The following GSN variants were observed in gnomAD, a reference collection of about 807,000 sequenced individuals.
GSN encodes gelsolin.
A neutral mutation model predicts 85.7 loss-of-function variants in GSN; 56 were observed. The observed-to-expected ratio is 0.65, with a 90% CI of 0.53 to 0.82. The LOEUF is 0.82. GSN is among the 40% of genes least tolerant of loss of function. The probability of loss-of-function intolerance (pLI) is 0.00; values close to 1 mark genes in which losing one functional copy is unlikely to be tolerated. For missense variants in GSN, 857 were observed against 979.8 expected (o/e 0.87, Z 1.67); for synonymous variants, 373 against 399.1 (o/e 0.93, Z 0.78).
chr9:121,310,815 T>C lies in GSN; in HGVS notation c.483T>C (p.Asn161=). 2 of 1,614,156 alleles carry C rather than the reference T, an allele frequency of 1.2e-6. No individual in the cohort carries two copies. Among genetic ancestry groups the C allele is most frequent in the Non-Finnish European group, 1.7e-6 (2 of 1,180,024 alleles). Residue 161 remains asparagine, a synonymous_variant, in exon 5 of 18, where the codon AAT becomes AAC. Transcript: ENST00000432226. ...EVPVSWESFN[N]GDCFILDLGN... ...CTGTGTCCTGGGAGAGCTTCAACAA[T>C]GGCGACTGCTTCATCCTGGACCTGG...
At chr9:121,315,174 G>C (rs2061572439) in intron 7 of GSN, among the ~76,000 whole-genome samples, 1 of 152,082 alleles carries the variant, frequency 6.6e-6, no homozygotes, top group Admixed American at 6.5e-5. Context: ...TCTATTTTGT[G>C]TAACTGGATC....
At chr9:121,285,552 A>T in intron 2 of GSN, 1 of 166,058 alleles carries the variant, frequency 6.0e-6, no homozygotes. Context: ...ATTAAAAAAA[A>T]ATTATTAATC....
Position 121,221,367 on chromosome 9 carries a change from T to G in GSN, c.-527-9798T>G, listed in dbSNP as rs2054166641. Among the ~76,000 whole-genome samples, 3 of 152,348 alleles carry G rather than the reference T, an allele frequency of 2.0e-5. No individual in the cohort carries two copies. In the South Asian group the frequency reaches 6.2e-4, roughly 32 times the overall value. On this transcript the variant is annotated intron_variant, in intron 4 of 24. Transcript: ENST00000373823. ...AGTTTATTGAAGGCCTGGTCTTCAT[T>G]AGGTCTTAAGAGCAGCCCCAATTCC...
At position 121,318,881 on chromosome 9, in the gene GSN, G is replaced by T. The variant is rs113048496; in HGVS notation, c.1191+1G>T. On this transcript the variant is annotated splice_donor_variant, in intron 10 of 17. Transcript: ENST00000432226. LOFTEE classifies it high-confidence loss of function. The surrounding 1 kb of genome is among the most constrained non-coding windows in gnomAD (Gnocchi z 4.3). ...TGACGATGGCACAGGCCAGAAACAG[G>T]TACGTTTAGGGCGTGGGGTGGGTGT... is the stretch of plus-strand genomic sequence containing the variant. 13 of 1,611,542 alleles carry T rather than the reference G, an allele frequency of 8.1e-6. No individual in the cohort carries two copies. The highest frequency in any genetic ancestry group is 1.1e-5 in the Non-Finnish European group (13 of 1,178,000).
intron 4 of GSN, among the ~76,000 whole-genome samples, chr9:121,306,974 A>G (rs2060483493): frequency 6.6e-6 from 1 of 152,172 alleles, no homozygotes; most frequent in African/African-American, 2.4e-5. Flanking sequence ...TGAGGTCAGG[A>G]GTTCAAGACC....
chr9:121,282,563 T>C, intron 2 of GSN: 1 of 1,222,724 alleles, frequency 8.2e-7, no homozygotes, highest in Non-Finnish European at 1.0e-6. Flanking sequence ...GAAAGGGCTT[T>C]TTGGTGGTCC....
intron 2 of GSN, among the ~76,000 whole-genome samples, chr9:121,297,582 A>G (rs536701041): frequency 1.3e-5 from 2 of 152,198 alleles, no homozygotes; most frequent in Non-Finnish European, 2.9e-5. Context: ...AACAGGCACC[A>G]TTGTAAAAAG....
chr9:121,289,427 C>T (rs1002293888), intron 2 of GSN, among the ~76,000 whole-genome samples: 1 of 152,226 alleles, frequency 6.6e-6, no homozygotes, highest in Non-Finnish European at 1.5e-5. Flanking sequence ...CCTCCCTCCG[C>T]TCCCCTCCCT....
chr9:121,312,659 T>A, intron 6 of GSN, 171 bp downstream of exon 6: 1 of 598,406 alleles, frequency 1.7e-6, no homozygotes. Flanking sequence ...AGGATCTTAT[T>A]CATTGTTGCC....
chr9:121,286,184 G>A, intron 2 of GSN: 2 of 1,528,940 alleles, frequency 1.3e-6, no homozygotes, highest in Non-Finnish European at 1.8e-6. Context: ...TCTGACCCAT[G>A]GGTGAGTAGC....
At position 121,325,584 on chromosome 9, in the gene GSN, C is replaced by T. The variant is rs530523871; in HGVS notation, c.1417-928C>T. Among the ~76,000 whole-genome samples the T allele has an allele frequency of 2.8e-4, 43 of 152,096 alleles. 1 individual carries two copies. The highest frequency in any genetic ancestry group is 9.6e-4 in the African/African-American group (40 of 41,462). On this transcript the variant is annotated intron_variant, in intron 12 of 17. Transcript: ENST00000432226. ...GGTTTAAAAAGTCACTCTGGCCAGG[C>T]GCTGGAGGGCAGCAGAGCTGGTTTG... is the stretch of plus-strand genomic sequence containing the variant.
At chr9:121,214,386 G>A (rs151190401) in intron 4 of GSN, among the ~76,000 whole-genome samples, 394 of 151,742 alleles carry the variant, frequency 2.6e-3, no homozygotes, top group African/African-American at 9.1e-3. Context: ...TAAAATCTAG[G>A]TTCCATAATC....
At chr9:121,312,578 G>GAA in intron 6 of GSN, 90 bp downstream of exon 6, 198 of 532,320 alleles carry the variant, frequency 3.7e-4, no homozygotes, top group South Asian at 7.2e-4. Flanking sequence ...TGAATTTGAG[G>GAA]AAAAAAAAAA....
At chr9:121,313,440 G>A (rs961761860) in intron 6 of GSN, 1 of 229,884 alleles carries the variant, frequency 4.4e-6, no homozygotes, top group African/African-American at 2.3e-5. Flanking sequence ...AGGGACAGTG[G>A]GAGTGAAAAT....
chr9:121,290,922 C>T (rs1370188166), intron 2 of GSN, among the ~76,000 whole-genome samples: 2 of 152,024 alleles, frequency 1.3e-5, no homozygotes, highest in Non-Finnish European at 2.9e-5. Flanking sequence ...AGTGATCCTC[C>T]CTCCTCAGCC....
chr9:121,236,516 A>T (rs1289941865), intron 5 of GSN, among the ~76,000 whole-genome samples: 1 of 152,192 alleles, frequency 6.6e-6, no homozygotes, highest in African/African-American at 2.4e-5. Flanking sequence ...CCCGGCCAAC[A>T]TGTATTTTCA....
chr9:121,264,352 C>T (rs2055154195), upstream of GSN, among the ~76,000 whole-genome samples: 1 of 152,078 alleles, frequency 6.6e-6, no homozygotes, highest in African/African-American at 2.4e-5. Context: ...ACTTGGGAGG[C>T]TAAGGCAGGA....
chr9:121,249,973 C>T (rs1299604218), intron 6 of GSN, among the ~76,000 whole-genome samples: 1 of 152,282 alleles, frequency 6.6e-6, no homozygotes, highest in East Asian at 1.9e-4. Flanking sequence ...CAGGGAGAAA[C>T]AGATGAGAGA....
At chr9:121,320,088 C>T (rs967442879) in intron 10 of GSN, among the ~76,000 whole-genome samples, 2 of 152,154 alleles carry the variant, frequency 1.3e-5, no homozygotes, top group African/African-American at 4.8e-5. Context: ...AGTTACATAA[C>T]CTCTTTGAGC....
Sources: gnomAD v4.1 joint callset for allele counts (sites outside exome capture counted in the v4.1 genomes callset) on GRCh38, gnomAD v4.1.1 for gene constraint, Gnocchi (gnomAD v3.1) non-coding constraint, MANE v1.5 for transcripts, NCBI Gene and HGNC (gene_info 2026-07-23, HGNC 2026-07-21) for gene names.